Variants in CREB5 observed in about 807,000 individuals in gnomAD.
CREB5 encodes cyclic AMP-responsive element-binding protein 5.
CREB5 carries 19 observed loss-of-function variants against 57.1 expected under a neutral mutation model. That is an observed-to-expected ratio of 0.33 (90% confidence interval 0.23 to 0.49). The LOEUF (loss-of-function observed/expected upper bound fraction) is 0.49, where lower values mean the gene tolerates loss of function less well. CREB5 is among the 20% of genes least tolerant of loss of function. The pLI is 0.99. For missense variants in CREB5, 579 were observed against 671.6 expected (o/e 0.86, Z 1.52); for synonymous variants, 238 against 238.3 (o/e 1.00, Z 0.01).
chr7:28,469,979 G>C (rs1239791272), intron 1 of CREB5, among the ~76,000 whole-genome samples: 1 of 152,106 alleles, frequency 6.6e-6, no homozygotes, highest in Non-Finnish European at 1.5e-5. Context: ...GGGTACATGA[G>C]ATATTTTGAT....
intron 5 of CREB5, among the ~76,000 whole-genome samples, chr7:28,687,487 A>G (rs2128728019): frequency 6.6e-6 from 1 of 150,546 alleles, no homozygotes; most frequent in Non-Finnish European, 1.5e-5. Context: ...TTCATAGAAT[A>G]GATTTCGTAT....
chr7:28,394,745 T>C (rs1018976475), intron 1 of CREB5, among the ~76,000 whole-genome samples: 44 of 152,338 alleles, frequency 2.9e-4, no homozygotes, highest in African/African-American at 1.0e-3. Context: ...TGTTGAGTGT[T>C]CAAGTCTGAT....
intron 1 of CREB5, among the ~76,000 whole-genome samples, chr7:28,306,000 A>C (rs1785175398): frequency 6.6e-6 from 1 of 151,722 alleles, no homozygotes; most frequent in Admixed American, 6.6e-5. Context: ...TTTTTTGCAA[A>C]AGTGATAAGC....
intron 5 of CREB5, among the ~76,000 whole-genome samples, chr7:28,658,969 A>ATATATATGTG: frequency 2.8e-5 from 4 of 140,646 alleles, no homozygotes; most frequent in African/African-American, 1.0e-4. Context: ...ATATATATAT[A>ATATATATGTG]TATATATATA....
intron 1 of CREB5, among the ~76,000 whole-genome samples, chr7:28,370,200 GC>G (rs1290979720): frequency 6.6e-6 from 1 of 152,176 alleles, no homozygotes; most frequent in East Asian, 1.9e-4. Context: ...AAACGCTCAG[GC>G]CTTTCTATCT....
chr7:28,365,148 T>A (rs1786561145), intron 1 of CREB5, among the ~76,000 whole-genome samples: 1 of 152,226 alleles, frequency 6.6e-6, no homozygotes, highest in South Asian at 2.1e-4. Context: ...TCTCAAACAT[T>A]CGTCTCTCTG....
At chr7:28,619,622 G>A (rs1181746004) in intron 5 of CREB5, among the ~76,000 whole-genome samples, 1 of 152,150 alleles carries the variant, frequency 6.6e-6, no homozygotes, top group Non-Finnish European at 1.5e-5. Flanking sequence ...CTTGAGGCCA[G>A]GAGTTTGAGA....
intron 9 of CREB5, among the ~76,000 whole-genome samples, chr7:28,812,186 A>G (rs1583804343): frequency 6.6e-6 from 1 of 152,332 alleles, no homozygotes; most frequent in Non-Finnish European, 1.5e-5. Context: ...TGAAGGAGCC[A>G]AAAATAGCCA....
intron 5 of CREB5, among the ~76,000 whole-genome samples, chr7:28,706,992 C>T (rs1004757154): frequency 6.6e-6 from 1 of 152,122 alleles, no homozygotes; most frequent in African/African-American, 2.4e-5. Flanking sequence ...GTGTGCCAAG[C>T]TCAGTGCTCT....
intron 1 of CREB5, among the ~76,000 whole-genome samples, chr7:28,487,915 T>C (rs1424818961): frequency 1.3e-5 from 2 of 152,198 alleles, no homozygotes; most frequent in Non-Finnish European, 2.9e-5. Context: ...TTTCTGCTGC[T>C]ACCTCCCCAT....
chr7:28,461,613 A>G (rs1338731492), intron 1 of CREB5, among the ~76,000 whole-genome samples: 2 of 152,226 alleles, frequency 1.3e-5, no homozygotes, highest in Non-Finnish European at 2.9e-5. Context: ...GCTGATTTAC[A>G]TGAAGCCATA....
intron 1 of CREB5, among the ~76,000 whole-genome samples, chr7:28,394,485 A>G (rs191968762): frequency 1.8e-4 from 28 of 152,326 alleles, no homozygotes; most frequent in African/African-American, 5.5e-4. Context: ...TTAAAAGTAA[A>G]GGTAGGGAGA....
Position 28,391,101 on chromosome 7 carries a change from C to G in CREB5, c.-25+91660C>G, listed in dbSNP as rs868807458. 5.3e-5 allele frequency among the ~76,000 whole-genome samples: 8 copies of G among 152,212 alleles called. No individual in the cohort carries two copies. In the East Asian group the frequency reaches 1.5e-3, roughly 29 times the overall value. ...TTGTCATCCTAGCACATTGGCTATT[C>G]GTTTCTTAGTTTAAAATTATCCACT... On this transcript the variant is annotated intron_variant, in intron 1 of 9. Transcript: ENST00000396299.
In CREB5 at chr7:28,587,532, C is replaced by A. The variant is rs140299180; in HGVS notation, c.464+16995C>A. Among the ~76,000 whole-genome samples, 1,292 of 141,514 alleles carry A rather than the reference C, an allele frequency of 9.1e-3. 12 individuals are homozygous for A. Among genetic ancestry groups the A allele is most frequent in the Non-Finnish European group, 0.014 (937 of 65,682 alleles). The allele number at this position is 141,514 out of a possible 152,430, so 92.8% of individuals were successfully genotyped here. ...AATACATTTTGTAAAACTAAGCAGA[C>A]CATTGTGGAGGTGGACTGGGCTGGG... On this transcript the variant is annotated intron_variant, in intron 5 of 10. Transcript: ENST00000357727.
intron 9 of CREB5, among the ~76,000 whole-genome samples, chr7:28,814,439 A>G (rs960863210): frequency 2.6e-5 from 4 of 152,244 alleles, no homozygotes; most frequent in African/African-American, 9.6e-5. Context: ...TTGCTCTAAA[A>G]TGAAACTATA....
At chr7:28,682,123 T>C (rs905049661) in intron 5 of CREB5, among the ~76,000 whole-genome samples, 11 of 152,194 alleles carry the variant, frequency 7.2e-5, no homozygotes, top group Admixed American at 3.9e-4. Flanking sequence ...CTAAGGGTAC[T>C]TAGTGCCAGG....
At chr7:28,598,818 G>A (rs1474984038) in intron 5 of CREB5, among the ~76,000 whole-genome samples, 1 of 152,162 alleles carries the variant, frequency 6.6e-6, no homozygotes, top group African/African-American at 2.4e-5. Context: ...GGGGATGGAC[G>A]CGGGGGAGTC....
chr7:28,527,580 G>A (rs1047413007), intron 4 of CREB5, among the ~76,000 whole-genome samples: 10 of 152,184 alleles, frequency 6.6e-5, no homozygotes, highest in African/African-American at 2.4e-4. Flanking sequence ...GCTGTGAGAG[G>A]CTCATGTAGG....
chr7:28,718,932 C>T (rs1357836551), intron 6 of CREB5, 53 bp downstream of exon 6: 3 of 1,610,782 alleles, frequency 1.9e-6, no homozygotes, highest in Non-Finnish European at 2.5e-6. Context: ...TGAGGTTTGC[C>T]ACTCTTGAAA....
Sources: gnomAD v4.1 joint callset for allele counts (sites outside exome capture counted in the v4.1 genomes callset) on GRCh38, gnomAD v4.1.1 for gene constraint, MANE v1.5 for transcripts, NCBI Gene and HGNC (gene_info 2026-07-23, HGNC 2026-07-21) for gene names.